The following NUP133 variants were observed in gnomAD, a reference collection of about 807,000 sequenced individuals.
NUP133 encodes nuclear pore complex protein Nup133.
Under a neutral mutation model 146.2 loss-of-function variants are expected in NUP133, and 66 were observed. That is an observed-to-expected ratio of 0.45 (90% CI 0.37 to 0.55). The LOEUF (loss-of-function observed/expected upper bound fraction) is 0.55. Among genes scored for constraint, NUP133 ranks in the 20% least tolerant of loss-of-function variants. The pLI is 0.00. For synonymous variants in NUP133, 521 were observed against 498.8 expected, an observed-to-expected ratio of 1.04 and a Z score of -0.59; for missense variants, 1,277 against 1,374.8, an observed-to-expected ratio of 0.93 and a Z score of 1.12.
In NUP133 at chr1:229,477,621, G is replaced by T. The variant is rs1416012526; in HGVS notation, c.1732C>A (p.Arg578=). 6.2e-7 allele frequency: 1 copy of T among 1,613,220 alleles called. No individual in the cohort carries two copies. The highest frequency in any genetic ancestry group is 1.1e-5 in the South Asian group (1 of 90,988). ...CCCTCAGGGACAGACTCAGCCCACC[G>T]TGGGTCAGATGCTGGGTAGTCATCC... ...LMDDYPASDP[R]WAESVPEEAP... Residue 578 remains arginine (R), a synonymous_variant, in exon 13 of 26, where the codon CGG becomes AGG. Transcript: ENST00000261396.
intron 5 of NUP133, 36 bp from the exon 6 acceptor site, chr1:229,498,342 C>A: frequency 7.0e-7 from 1 of 1,431,746 alleles, no homozygotes; most frequent in Non-Finnish European, 9.3e-7. Context: ...TTCAGTTTAG[C>A]ATCGAATGCT....
At chr1:229,482,611 C>A (rs1322213379) in intron 12 of NUP133, among the ~76,000 whole-genome samples, 4 of 152,138 alleles carry the variant, frequency 2.6e-5, no homozygotes, top group African/African-American at 9.7e-5. Context: ...CTAAGATAAA[C>A]TGAAATCTGC....
At chr1:229,491,826 C>T (rs1661523364) in intron 8 of NUP133, among the ~76,000 whole-genome samples, 1 of 152,104 alleles carries the variant, frequency 6.6e-6, no homozygotes, top group Non-Finnish European at 1.5e-5. Flanking sequence ...GTGTTTAATC[C>T]AAGCACTTTG....
At chr1:229,493,024 C>T (rs780957080) in intron 8 of NUP133, among the ~76,000 whole-genome samples, 3 of 152,092 alleles carry the variant, frequency 2.0e-5, no homozygotes, top group Non-Finnish European at 2.9e-5. Flanking sequence ...GAATTCTTGG[C>T]CTCAAGTGAT....
chr1:229,497,247 A>G (rs1007224688), intron 6 of NUP133, among the ~76,000 whole-genome samples: 1 of 152,198 alleles, frequency 6.6e-6, no homozygotes, highest in Non-Finnish European at 1.5e-5. Context: ...CACCTGGTAA[A>G]TAACTAGTTT....
rs1171982070 is a variant in NUP133, at chr1:229,499,815, C to G, written c.517G>C (p.Val173Leu). ...TCTCTGGTGGCAACCATGACAGCAACAGCCTCAAAACAAGATCACAACAAT... is the reference window on the plus strand; with the variant it reads ...TCTCTGGTGGCAACCATGACAGCAAGAGCCTCAAAACAAGATCACAACAAT... ...PSGEAHSTQAVAVMVATREGS... is the reference protein window; with the variant it reads ...PSGEAHSTQALAVMVATREGS... The change falls in exon 5 of 26, where the codon GTT becomes CTT. Residue 173 changes from valine (V) to leucine (L), a missense_variant. Val to Leu is a conservative substitution (Grantham distance 32). Around this residue, in one of 3 missense-constraint regions of NUP133, gnomAD observed 319 missense variants for 306.9 expected, o/e 1.04. Coordinates refer to ENST00000261396, the MANE Select transcript of NUP133 (RefSeq NM_018230.3). 1.2e-6 allele frequency: 2 copies of G among 1,613,058 alleles called. No homozygotes were observed. Among genetic ancestry groups the G allele is most frequent in the African/African-American group, 1.3e-5 (1 of 75,006 alleles).
At position 229,441,828 on chromosome 1, in the gene NUP133, A is replaced by T; in HGVS notation, c.*76T>A. The stretch of plus-strand genomic sequence containing the variant: ...ATGTTATGAAATTGTACAAACTTAC[A>T]CTTGTTTATGGCCTAAAATTTGTAT... On this transcript the variant is annotated 3_prime_UTR_variant, in exon 26 of 26. Transcript: ENST00000261396. 8.3e-7 allele frequency: 1 copy of T among 1,201,994 alleles called. No homozygotes were observed. The highest frequency in any genetic ancestry group is 1.2e-6 in the Non-Finnish European group (1 of 869,030). The allele number at this position is 1,201,994 out of a possible 1,614,324, so 74.5% of individuals were successfully genotyped here.
chr1:229,448,166 C>A (rs1358032985), intron 24 of NUP133, among the ~76,000 whole-genome samples: 3 of 152,226 alleles, frequency 2.0e-5, no homozygotes, highest in Non-Finnish European at 4.4e-5. Context: ...TGGTGGCTCA[C>A]GCCTGTAATC....
rs61646357 is a variant in NUP133 at position 229,455,028 on chromosome 1, C to T, written c.2981-2385G>A. ...CTTGTTATAGATGAACAAACTGAGG[C>T]GAAGGAGCATAAATTAACTATCCAA... is the stretch of plus-strand genomic sequence containing the variant. On this transcript the variant is annotated intron_variant, in intron 21 of 25. Coordinates refer to ENST00000261396, the MANE Select transcript of NUP133 (RefSeq NM_018230.3). 3.5e-3 allele frequency among the ~76,000 whole-genome samples: 526 copies of T among 152,176 alleles called. 6 individuals carry two copies. The highest frequency in any genetic ancestry group is 0.017 in the Middle Eastern group (5 of 294).
rs1571899629 is a variant in NUP133, at chr1:229,441,849, T to G, written c.*55A>C. The stretch of plus-strand genomic sequence containing the variant: ...TTACACTTGTTTATGGCCTAAAATT[T>G]GTATAAGGACACACTTATACAGATT... On this transcript the variant is annotated 3_prime_UTR_variant, in exon 26 of 26. Transcript: ENST00000261396. 3 of 1,413,388 alleles carry G rather than the reference T, an allele frequency of 2.1e-6. No individual in the cohort carries two copies. The East Asian group carries it at 7.5e-5, about 35-fold the overall frequency. The allele number at this position is 1,413,388 out of a possible 1,614,324, so 87.6% of individuals were successfully genotyped here. A position where few individuals can be genotyped will look rare whatever the true frequency, so the allele number is the denominator to read the frequency against.
At chr1:229,462,635 C>T (rs754618731) in intron 19 of NUP133, among the ~76,000 whole-genome samples, 10 of 152,086 alleles carry the variant, frequency 6.6e-5, no homozygotes, top group Non-Finnish European at 1.3e-4. Flanking sequence ...TCTTGGCTCA[C>T]TGGCCTTGAC....
chr1:229,458,549 T>C (rs1414349858), intron 20 of NUP133, among the ~76,000 whole-genome samples: 2 of 152,186 alleles, frequency 1.3e-5, no homozygotes, highest in African/African-American at 4.8e-5. Context: ...CATATTCACC[T>C]GAACATCCTG....
chr1:229,458,270 T>C lies in NUP133; in HGVS notation c.2871A>G (p.Ala957=). The change falls in exon 21 of 26, where the codon GCA becomes GCG. Residue 957 remains alanine (A), a synonymous_variant. Transcript: ENST00000261396. The part of the protein sequence containing the change: ...EKAHATLLGL[A]NMETRYFAKK... Reference sequence around the variant, plus strand: ...TTGCAAAGTAACGAGTTTCCATATTTGCCAAACCCAGAAGTGTTGCATGAG... The same window carrying C: ...TTGCAAAGTAACGAGTTTCCATATTCGCCAAACCCAGAAGTGTTGCATGAG... The C allele has an allele frequency of 6.2e-7, 1 of 1,613,456 alleles. No homozygotes were observed. Among genetic ancestry groups the C allele is most frequent in the Non-Finnish European group, 8.5e-7 (1 of 1,179,618 alleles).
At chr1:229,507,359 A>G (rs953731652) in intron 1 of NUP133, among the ~76,000 whole-genome samples, 7 of 152,228 alleles carry the variant, frequency 4.6e-5, no homozygotes, top group Non-Finnish European at 8.8e-5. Context: ...TTCATTTTTT[A>G]TAGATGAATT....
In NUP133 at chr1:229,457,693, A is replaced by T. The variant is rs1284292731; in HGVS notation, c.2980+468T>A. On this transcript the variant is annotated intron_variant, in intron 21 of 25. Transcript: ENST00000261396. ...AATATTTTTAATTCTTTTTTCCCCA[A>T]ATATTTTTGATGTTTGGTCGAATCT... 2.0e-5 allele frequency among the ~76,000 whole-genome samples: 3 copies of T among 151,996 alleles called. No homozygotes were observed. In the East Asian group the frequency reaches 5.8e-4, roughly 29 times the overall value.
chr1:229,470,911 T>C, intron 14 of NUP133, 107 bp from the exon 15 acceptor site: 1 of 895,200 alleles, frequency 1.1e-6, no homozygotes, highest in South Asian at 1.6e-5. Flanking sequence ...TGGCCCCAGC[T>C]TTCCCCCAGC....
At chr1:229,479,603 G>A (rs1245336820) in intron 12 of NUP133, among the ~76,000 whole-genome samples, 3 of 152,154 alleles carry the variant, frequency 2.0e-5, no homozygotes, top group Admixed American at 2.0e-4. Flanking sequence ...CTGAAGAGAT[G>A]GTAGTGCTTG....
intron 2 of NUP133, 87 bp downstream of exon 2, chr1:229,505,953 C>A (rs1661924072): frequency 5.2e-6 from 4 of 767,994 alleles, no homozygotes; most frequent in African/African-American, 1.7e-5. Context: ...TAAAGGTATA[C>A]TAGAGAAAAC....
chr1:229,472,676 CT>C (rs1409608611), intron 14 of NUP133, among the ~76,000 whole-genome samples: 1 of 134,996 alleles, frequency 7.4e-6, no homozygotes, highest in African/African-American at 2.9e-5. Flanking sequence ...GAGTGAGACC[CT>C]GTCTCAAAAA....
Sources: allele counts gnomAD v4.1 joint callset (sites outside exome capture counted in the v4.1 genomes callset), GRCh38; gene constraint gnomAD v4.1.1; regional missense constraint gnomAD v4.1.1; transcripts MANE v1.5; gene names NCBI Gene and HGNC (gene_info 2026-07-23, HGNC 2026-07-21).